MALRD1: variants seen among roughly 807,000 people sequenced by gnomAD.
The protein encoded by MALRD1 is MAM and LDL-receptor class A domain-containing protein 1.
In MALRD1, 247 loss-of-function variants were observed where a neutral mutation model predicts 242.1. That is an observed-to-expected ratio of 1.02 (90% CI 0.92 to 1.13). The LOEUF is 1.13. Among genes scored for constraint, MALRD1 ranks in the 50% most tolerant of loss-of-function variants. MALRD1 has a pLI of 0.00. For synonymous variants in MALRD1, 995 were observed against 866.6 expected (o/e 1.15, Z -2.60); for missense variants, 2,989 against 2,533.1 (o/e 1.18, Z -3.86).
At chr10:19,536,077 G>A (rs1015764466) in intron 32 of MALRD1, among the ~76,000 whole-genome samples, 6 of 152,116 alleles carry the variant, frequency 3.9e-5, no homozygotes, top group Admixed American at 2.0e-4. Context: ...TAAAGGTTAT[G>A]CATTCCCTGC....
At chr10:19,400,483 C>T (rs1041356681) in intron 28 of MALRD1, among the ~76,000 whole-genome samples, 1 of 152,096 alleles carries the variant, frequency 6.6e-6, no homozygotes, top group Non-Finnish European at 1.5e-5. Context: ...ACCTCATCTG[C>T]CTTGTTTACT....
rs1200943644 is a variant in MALRD1, at chr10:19,581,513, T to C, written c.5681-13681T>C. On this transcript the variant is annotated intron_variant, in intron 33 of 39. Transcript: ENST00000454679. ...TGACAGTTTACTGAGAATGATGATT[T>C]CCAATTTCATCCATGTCCCTACAAA... 2.0e-5 allele frequency among the ~76,000 whole-genome samples: 3 copies of C among 151,594 alleles called. No homozygotes were observed. The East Asian group carries it at 5.8e-4, about 29-fold the overall frequency.
intron 29 of MALRD1, among the ~76,000 whole-genome samples, chr10:19,490,916 A>G (rs978671723): frequency 1.3e-5 from 2 of 152,208 alleles, no homozygotes; most frequent in South Asian, 4.1e-4. Context: ...GTGTATAAAA[A>G]AGGAAAATTT....
chr10:19,248,254 G>T (rs1243000158), intron 18 of MALRD1, among the ~76,000 whole-genome samples: 4 of 151,806 alleles, frequency 2.6e-5, no homozygotes, highest in African/African-American at 7.3e-5. Flanking sequence ...TCAAAAGCAG[G>T]TATTATTTTC....
intron 10 of MALRD1, among the ~76,000 whole-genome samples, chr10:19,145,736 A>AT (rs397744563): frequency 0.017 from 2,517 of 148,684 alleles, 24 homozygotes; most frequent in African/African-American, 0.03. Flanking sequence ...ATGGCTAGGT[A>AT]TTTTTTTTTT....
At chr10:19,678,990 A>C (rs1169843107) in intron 36 of MALRD1, among the ~76,000 whole-genome samples, 1 of 152,190 alleles carries the variant, frequency 6.6e-6, no homozygotes, top group African/African-American at 2.4e-5. Context: ...CCAGCCTTGC[A>C]TCCCGGGGTT....
At chr10:19,236,669 A>T (rs1343817147) in intron 18 of MALRD1, among the ~76,000 whole-genome samples, 1 of 152,168 alleles carries the variant, frequency 6.6e-6, no homozygotes, top group African/African-American at 2.4e-5. Context: ...GCACATAAAA[A>T]GGAAGGTTAC....
chr10:19,461,339 A>G (rs751208965), intron 29 of MALRD1, among the ~76,000 whole-genome samples: 3 of 152,296 alleles, frequency 2.0e-5, no homozygotes, highest in Non-Finnish European at 4.4e-5. Flanking sequence ...CAGAGAAAGA[A>G]ACCAAGTGTG....
At chr10:19,503,661 A>T (rs1047752195) in intron 31 of MALRD1, among the ~76,000 whole-genome samples, 1 of 152,172 alleles carries the variant, frequency 6.6e-6, no homozygotes, top group African/African-American at 2.4e-5. Flanking sequence ...CTTTTAAATG[A>T]TATAATCGGC....
At chr10:19,403,607 A>C (rs1279140484) in intron 28 of MALRD1, among the ~76,000 whole-genome samples, 1 of 152,100 alleles carries the variant, frequency 6.6e-6, no homozygotes, top group Admixed American at 6.6e-5. Flanking sequence ...AAGAAGGGTA[A>C]AATAATATTT....
At chr10:19,545,937 T>C (rs1225786761) in intron 32 of MALRD1, among the ~76,000 whole-genome samples, 1 of 152,220 alleles carries the variant, frequency 6.6e-6, no homozygotes, top group African/African-American at 2.4e-5. Flanking sequence ...ACAATCATAC[T>C]GTTAATTTCC....
intron 11 of MALRD1, among the ~76,000 whole-genome samples, chr10:19,150,850 C>T (rs572351311): frequency 6.6e-6 from 1 of 152,246 alleles, no homozygotes; most frequent in East Asian, 1.9e-4. Flanking sequence ...AGCTGTTCCC[C>T]TATCCAGTGA....
chr10:19,200,182 G>A (rs1836458008), intron 14 of MALRD1, among the ~76,000 whole-genome samples: 1 of 152,058 alleles, frequency 6.6e-6, no homozygotes, highest in African/African-American at 2.4e-5. Flanking sequence ...TATTTCATGA[G>A]GAATAAATAA....
At chr10:19,713,850 G>A (rs572037000) in intron 38 of MALRD1, among the ~76,000 whole-genome samples, 64 of 152,318 alleles carry the variant, frequency 4.2e-4, no homozygotes, top group Non-Finnish European at 8.5e-4. Flanking sequence ...GGATTCAAAA[G>A]CAAATCCAAG....
chr10:19,088,247 C>G (rs768664476), intron 4 of MALRD1, 62 bp downstream of exon 4: 84 of 1,202,438 alleles, frequency 7.0e-5, no homozygotes, highest in Non-Finnish European at 8.5e-5. Flanking sequence ...ATCTTTAACA[C>G]CAGGTGAACT....
At chr10:19,155,796 A>C (rs1834121876) in intron 12 of MALRD1, among the ~76,000 whole-genome samples, 1 of 152,226 alleles carries the variant, frequency 6.6e-6, no homozygotes, top group Non-Finnish European at 1.5e-5. Context: ...ATACACGATT[A>C]TATGGAATAA....
chr10:19,097,823 T>C (rs1235872650), intron 4 of MALRD1, among the ~76,000 whole-genome samples: 1 of 152,180 alleles, frequency 6.6e-6, no homozygotes, highest in South Asian at 2.1e-4. Flanking sequence ...GATAATAATG[T>C]CGATTCTTGC....
At chr10:19,266,078 T>G (rs1371404744) in intron 19 of MALRD1, among the ~76,000 whole-genome samples, 1 of 151,984 alleles carries the variant, frequency 6.6e-6, no homozygotes, top group Non-Finnish European at 1.5e-5. Flanking sequence ...TTTTTGTTCT[T>G]TCAGTTTTAG....
At chr10:19,108,387 CTTTTTTTT>C (rs35948766) in intron 5 of MALRD1, among the ~76,000 whole-genome samples, 4 of 19,758 alleles carry the variant, frequency 2.0e-4, no homozygotes, top group African/African-American at 3.6e-4. Context: ...ATTGTTTTTT[CTTTTTTTT>C]TTTTTTTTTT....
Sources: gnomAD v4.1 joint callset for allele counts (sites outside exome capture counted in the v4.1 genomes callset) on GRCh38, gnomAD v4.1.1 for gene constraint, MANE v1.5 for transcripts, NCBI Gene and HGNC (gene_info 2026-07-23, HGNC 2026-07-21) for gene names.